Variants in RHOBTB2 observed in about 807,000 individuals in gnomAD.
RHOBTB2 encodes the protein rho-related BTB domain-containing protein 2.
Under a neutral mutation model 66.5 loss-of-function variants are expected in RHOBTB2, and 39 were observed. The observed-to-expected ratio is 0.59, with a 90% CI of 0.45 to 0.77. RHOBTB2 has a LOEUF of 0.77. RHOBTB2 is among the 30% of genes least tolerant of loss of function. The pLI, the probability that RHOBTB2 is intolerant of heterozygous loss-of-function variation, is 0.00. For missense variants in RHOBTB2, 755 were observed against 999.1 expected (o/e 0.76, Z 3.29); for synonymous variants, 390 against 395.0 (o/e 0.99, Z 0.15).
At chr8:22,995,804 G>A (rs965963780), upstream of RHOBTB2, 87 of 1,540,188 alleles carry the variant, frequency 5.6e-5, no homozygotes, top group African/African-American at 1.1e-4. Context: ...GATGGGGGGC[G>A]GAGCTCATGT....
the RHOBTB2 span, among the ~76,000 whole-genome samples, chr8:22,968,742 G>A: frequency 6.6e-6 from 1 of 151,868 alleles, no homozygotes; most frequent in African/African-American, 2.4e-5. Flanking sequence ...TATGGTAAGA[G>A]TGTGATTTAA....
chr8:22,953,517 T>TA, the RHOBTB2 span, among the ~76,000 whole-genome samples: 1 of 152,260 alleles, frequency 6.6e-6, no homozygotes, highest in Non-Finnish European at 1.5e-5. Context: ...CTGCAAGCGA[T>TA]GAGTGACTGA....
chr8:22,997,681 C>T (rs929336856), upstream of RHOBTB2, among the ~76,000 whole-genome samples: 4 of 152,200 alleles, frequency 2.6e-5, no homozygotes, highest in African/African-American at 7.2e-5. Flanking sequence ...GTTCTGTCTT[C>T]CTACTCCTTG....
the RHOBTB2 span, among the ~76,000 whole-genome samples, chr8:22,974,463 A>C: frequency 3.9e-5 from 6 of 152,330 alleles, no homozygotes; most frequent in Non-Finnish European, 8.8e-5. Context: ...TGAGACAACC[A>C]GACAAGCTGG....
intron 1 of RHOBTB2, among the ~76,000 whole-genome samples, chr8:23,002,021 C>A (rs543749576): frequency 1.2e-4 from 18 of 152,358 alleles, no homozygotes; most frequent in Admixed American, 3.3e-4. Flanking sequence ...TGGCCCAGCA[C>A]TGCTCTGCTG....
chr8:22,961,990 A>G, the RHOBTB2 span, among the ~76,000 whole-genome samples: 2 of 152,112 alleles, frequency 1.3e-5, no homozygotes, highest in African/African-American at 4.8e-5. Context: ...CTCAGAATAT[A>G]TAAGTTTTCC....
chr8:22,974,523 C>A, the RHOBTB2 span, among the ~76,000 whole-genome samples: 2 of 152,186 alleles, frequency 1.3e-5, no homozygotes, highest in Non-Finnish European at 1.5e-5. Context: ...CCCCATTTCA[C>A]AATTCTAATT....
upstream of RHOBTB2, among the ~76,000 whole-genome samples, chr8:22,985,260 A>G (rs1810267159): frequency 6.6e-6 from 1 of 152,264 alleles, no homozygotes; most frequent in Admixed American, 6.5e-5. Flanking sequence ...ATTGAGTACA[A>G]TCACTTCGAT....
chr8:23,002,715 G>T (rs1810820846), intron 1 of RHOBTB2, among the ~76,000 whole-genome samples: 1 of 152,058 alleles, frequency 6.6e-6, no homozygotes, highest in Admixed American at 6.6e-5. Context: ...ACAAAAAACG[G>T]TTGTCTGCTG....
At chr8:22,996,543 GTGTGTGTGTGTGTGTGTGTGTGTGTC>G (rs1384607982), upstream of RHOBTB2, among the ~76,000 whole-genome samples, 305 of 137,150 alleles carry the variant, frequency 2.2e-3, 2 homozygotes, top group Admixed American at 5.9e-3. Flanking sequence ...GTGTGTGTGT[GTGTGTGTGTGTGTGTGTGTGTGTGTC>G]TGTGTGTCTG....
the RHOBTB2 span, among the ~76,000 whole-genome samples, chr8:22,956,123 T>C: frequency 1.3e-5 from 2 of 152,184 alleles, no homozygotes; most frequent in Non-Finnish European, 2.9e-5. Flanking sequence ...GTACAGAGAA[T>C]TTTCAATATA....
At position 23,014,908 on chromosome 8, in the gene RHOBTB2, G is replaced by A. The variant is rs1394917418; in HGVS notation, c.1860+130G>A. 8.2e-6 allele frequency: 6 copies of A among 730,278 alleles called. No homozygotes were observed. In the East Asian group the frequency reaches 1.6e-4, roughly 20 times the overall value. 45.2% of individuals were successfully genotyped at this position (730,278 alleles called of 1,614,324 possible). A position where few individuals can be genotyped will look rare whatever the true frequency, so the allele number is the denominator to read the frequency against. On this transcript the variant is annotated intron_variant, in intron 8 of 9. Transcript: ENST00000251822. The stretch of plus-strand genomic sequence containing the variant: ...TGTCATCGGACTGGGCTCTTTGACT[G>A]CGCGTAGCCCATCTCCTCCTCCATG...
chr8:22,990,574 G>C (rs534913210), intron 1 of RHOBTB2, among the ~76,000 whole-genome samples: 1 of 152,344 alleles, frequency 6.6e-6, no homozygotes, highest in African/African-American at 2.4e-5. Context: ...AGCAGCCCAG[G>C]CTCCCAGGGG....
chr8:23,007,296 G>C lies in RHOBTB2; in HGVS notation c.1051G>C (p.Val351Leu). 6.2e-7 allele frequency: 1 copy of C among 1,613,770 alleles called. No individual in the cohort carries two copies. The highest frequency in any genetic ancestry group is 8.5e-7 in the Non-Finnish European group (1 of 1,179,978). The change falls in exon 5 of 10, where the codon GTG becomes CTG. Residue 351 changes from valine to leucine, a missense_variant. Val to Leu is a conservative substitution (Grantham distance 32). Transcript: ENST00000251822. The stretch of plus-strand genomic sequence containing the variant: ...AGCCAGCTTTGACGTGTGCGAGAGC[G>C]TGGATGAGGCTGGGGGCTCCGGTCC... The part of the protein sequence containing the change: ...RAASFDVCES[V>L]DEAGGSGPAG...
the RHOBTB2 span, among the ~76,000 whole-genome samples, chr8:22,964,116 T>G: frequency 1.3e-5 from 2 of 152,098 alleles, no homozygotes; most frequent in East Asian, 1.9e-4. Flanking sequence ...TGTTTTGTTT[T>G]TTTGTTTGTT....
At chr8:22,998,255 T>A (rs1226103685), upstream of RHOBTB2, among the ~76,000 whole-genome samples, 1 of 152,228 alleles carries the variant, frequency 6.6e-6, no homozygotes, top group East Asian at 1.9e-4. Context: ...GCAGTAAATT[T>A]CTCTTCCTAA....
At chr8:23,014,621 G>A (rs1206829826) in intron 7 of RHOBTB2, 69 bp from the exon 8 acceptor site, 1 of 1,383,508 alleles carries the variant, frequency 7.2e-7, no homozygotes, top group Non-Finnish European at 1.0e-6. Flanking sequence ...TGAGCTGGGG[G>A]ATGTGGTGGG....
chr8:22,958,802 G>GAAAAA, the RHOBTB2 span, among the ~76,000 whole-genome samples: 217 of 51,932 alleles, frequency 4.2e-3, 13 homozygotes, highest in East Asian at 6.5e-3. Flanking sequence ...GCCCCTCTCT[G>GAAAAA]AAAAAAAAAA....
At chr8:22,985,088 A>C (rs1441321789), upstream of RHOBTB2, among the ~76,000 whole-genome samples, 1 of 151,784 alleles carries the variant, frequency 6.6e-6, no homozygotes, top group Non-Finnish European at 1.5e-5. Context: ...GCTAAGAGGG[A>C]GTGTTGGGGA....
Sources: allele counts gnomAD v4.1 joint callset (sites outside exome capture counted in the v4.1 genomes callset), GRCh38; gene constraint gnomAD v4.1.1; transcripts MANE v1.5; gene names NCBI Gene and HGNC (gene_info 2026-07-23, HGNC 2026-07-21).